CACNA1I: variants seen among roughly 807,000 people sequenced by gnomAD.
CACNA1I encodes the protein voltage-dependent T-type calcium channel subunit alpha-1I.
In CACNA1I, 74 loss-of-function variants were observed where a neutral mutation model predicts 201.6. That is an observed-to-expected ratio of 0.37 (90% CI 0.30 to 0.45). CACNA1I has a LOEUF of 0.45. Ranked by LOEUF, CACNA1I falls within the 20% of genes least tolerant of loss-of-function variation. The pLI is 1.00. For synonymous variants in CACNA1I, 1,431 were observed against 1,345.2 expected (o/e 1.06, Z -1.40); for missense variants, 2,346 against 3,138.1 (o/e 0.75, Z 6.03).
At chr22:39,599,953 G>T (rs1255414527) in intron 2 of CACNA1I, among the ~76,000 whole-genome samples, 2 of 152,220 alleles carry the variant, frequency 1.3e-5, no homozygotes, top group Non-Finnish European at 2.9e-5. Context: ...GCAGAGAAAG[G>T]CAACACTGAG....
chr22:39,654,747 A>G (rs1264856797), intron 10 of CACNA1I, among the ~76,000 whole-genome samples: 1 of 152,098 alleles, frequency 6.6e-6, no homozygotes, highest in Admixed American at 6.5e-5. Flanking sequence ...AAGGATGACT[A>G]GGAGTTCATC....
rs1230019296 is a variant in CACNA1I, at chr22:39,666,477, C to T, written c.4104+471C>T. On this transcript the variant is annotated intron_variant, in intron 23 of 36. Coordinates refer to ENST00000402142, the MANE Select transcript of CACNA1I (RefSeq NM_021096.4). This position sits in a 1 kb window ranked among gnomAD's most constrained non-coding sequence, Gnocchi z 4.1. Reference sequence around the variant, plus strand: ...CGGGGTGGTACTCTCTCCCCTCACCCACCGCTGCTCTCTGCTCTGTCGGCA... The same window carrying T: ...CGGGGTGGTACTCTCTCCCCTCACCTACCGCTGCTCTCTGCTCTGTCGGCA... Among the ~76,000 whole-genome samples the T allele has an allele frequency of 6.6e-6, 1 of 152,202 alleles. No individual in the cohort carries two copies. The highest frequency in any genetic ancestry group is 1.5e-5 in the Non-Finnish European group (1 of 68,036).
intron 10 of CACNA1I, among the ~76,000 whole-genome samples, chr22:39,654,938 A>C (rs1989593497): frequency 6.6e-6 from 1 of 152,124 alleles, no homozygotes; most frequent in African/African-American, 2.4e-5. Context: ...AAAGGCTTGC[A>C]AGCAAATGAC....
chr22:39,671,005 C>T lies in CACNA1I; in HGVS notation c.4539+51C>T, dbSNP rs1446261075. 8.9e-6 allele frequency: 14 copies of T among 1,573,398 alleles called. No homozygotes were observed. In the East Asian group the frequency reaches 2.9e-4, roughly 33 times the overall value. ...CAAGGTTACAAGGTGAGGGTGGGGT[C>T]TCAGCAGGACCCCACCCCAGGGATA... On this transcript the variant is annotated intron_variant, in intron 26 of 36. Coordinates refer to ENST00000402142, the MANE Select transcript of CACNA1I (RefSeq NM_021096.4).
At position 39,598,949 on chromosome 22, in the gene CACNA1I, T is replaced by TTG. The variant is rs1228815203; in HGVS notation, c.348+688_348+689insGT. Among the ~76,000 whole-genome samples the TTG allele has an allele frequency of 4.7e-5, 6 of 128,246 alleles. No homozygotes were observed. The East Asian group carries it at 9.2e-4, about 20-fold the overall frequency. 84.1% of individuals were successfully genotyped at this position (128,246 alleles called of 152,430 possible). On this transcript the variant is annotated intron_variant, in intron 2 of 36. Transcript: ENST00000402142. ...TGCTTTCTGCCTCTTGGGTTTTTTT[T>TTG]TTTTTTTTTTTTTTTTGAGACAGAG...
At chr22:39,580,078 A>G (rs1932500121) in intron 1 of CACNA1I, among the ~76,000 whole-genome samples, 1 of 152,026 alleles carries the variant, frequency 6.6e-6, no homozygotes, top group African/African-American at 2.4e-5. Flanking sequence ...TCTAGGCTCC[A>G]CCTCCAGCAT....
intron 3 of CACNA1I, among the ~76,000 whole-genome samples, chr22:39,608,894 C>A (rs1007191317): frequency 6.6e-6 from 1 of 152,122 alleles, no homozygotes; most frequent in South Asian, 2.1e-4. Flanking sequence ...GGAACAGCTT[C>A]TCCACCCTGA....
intron 5 of CACNA1I, among the ~76,000 whole-genome samples, chr22:39,640,078 G>A (rs1934314982): frequency 6.6e-6 from 1 of 152,128 alleles, no homozygotes; most frequent in African/African-American, 2.4e-5. Flanking sequence ...CTGTTTTATA[G>A]ATGAGGAAAT....
chr22:39,585,540 C>G (rs1467606453), intron 1 of CACNA1I, among the ~76,000 whole-genome samples: 3 of 150,426 alleles, frequency 2.0e-5, no homozygotes, highest in Admixed American at 6.7e-5. Flanking sequence ...CAGGTCTGAG[C>G]CACCACGCCC....
chr22:39,677,220 T>A lies in CACNA1I; in HGVS notation c.4855-121T>A. ...GACGTGGACACACAGCCTGGGGGAA[T>A]GTTACAGCTGCTCTGACCCACAGGC... is the stretch of plus-strand genomic sequence containing the variant. On this transcript the variant is annotated intron_variant, in intron 29 of 36. Transcript: ENST00000402142. This position sits in a 1 kb window ranked among gnomAD's most constrained non-coding sequence, Gnocchi z 4.8. 1.5e-6 allele frequency: 1 copy of A among 650,694 alleles called. No homozygotes were observed. The allele number at this position is 650,694 out of a possible 1,614,324, so 40.3% of individuals were successfully genotyped here.
At chr22:39,579,686 A>G (rs8139773) in intron 1 of CACNA1I, among the ~76,000 whole-genome samples, 57,838 of 149,688 alleles carry the variant, frequency 0.39, 12,221 homozygotes, top group East Asian at 0.82. Flanking sequence ...CGCTCTTGTC[A>G]CCCAGGCTGG....
At chr22:39,594,262 C>T (rs991260140) in intron 1 of CACNA1I, among the ~76,000 whole-genome samples, 1 of 151,930 alleles carries the variant, frequency 6.6e-6, no homozygotes, top group African/African-American at 2.4e-5. Flanking sequence ...GCAGGGGCAC[C>T]GGGCTCCTGG....
intron 6 of CACNA1I, among the ~76,000 whole-genome samples, chr22:39,641,562 G>A (rs149118241): frequency 1.1e-3 from 173 of 152,320 alleles, no homozygotes; most frequent in African/African-American, 4.0e-3. Flanking sequence ...ACCAAGGCCA[G>A]GATCATGGGG....
chr22:39,624,332 C>T (rs2146399686), intron 4 of CACNA1I, among the ~76,000 whole-genome samples: 1 of 152,308 alleles, frequency 6.6e-6, no homozygotes, highest in African/African-American at 2.4e-5. Flanking sequence ...CAGCACCAGC[C>T]TGCCCTGGCC....
intron 1 of CACNA1I, among the ~76,000 whole-genome samples, chr22:39,594,688 T>G (rs566884599): frequency 1.2e-4 from 19 of 152,152 alleles, no homozygotes; most frequent in African/African-American, 4.3e-4. Flanking sequence ...GGTGGGGTCC[T>G]GCTGAGGGTT....
Position 39,659,239 on chromosome 22 carries a change from C to A in CACNA1I, c.2330+123C>A. 8.2e-7 allele frequency: 1 copy of A among 1,216,608 alleles called. No individual in the cohort carries two copies. The highest frequency in any genetic ancestry group is 1.2e-6 in the Non-Finnish European group (1 of 863,372). The allele number at this position is 1,216,608 out of a possible 1,614,324, so 75.4% of individuals were successfully genotyped here. A position where few individuals can be genotyped will look rare whatever the true frequency, so the allele number is the denominator to read the frequency against. Reference sequence around the variant, plus strand: ...ACCTGGACCTGGGTGTGAAGCCTGACACTGTTCCTCAGTCCCCTGTGGCTT... The same window carrying A: ...ACCTGGACCTGGGTGTGAAGCCTGAAACTGTTCCTCAGTCCCCTGTGGCTT... On this transcript the variant is annotated intron_variant, in intron 12 of 36. Transcript: ENST00000402142. The surrounding 1 kb of genome is among the most constrained non-coding windows in gnomAD (Gnocchi z 4.3).
intron 5 of CACNA1I, among the ~76,000 whole-genome samples, chr22:39,636,189 C>T (rs1484613231): frequency 6.6e-6 from 1 of 152,200 alleles, no homozygotes; most frequent in Non-Finnish European, 1.5e-5. Flanking sequence ...GGAGACTCTG[C>T]GTCCCGTTCC....
At chr22:39,673,587 G>A (rs1443716472) in intron 28 of CACNA1I, among the ~76,000 whole-genome samples, 2 of 152,218 alleles carry the variant, frequency 1.3e-5, no homozygotes, top group African/African-American at 4.8e-5. Context: ...CAGAAACTCA[G>A]CGAGTGATGC....
At chr22:39,589,316 G>A (rs1294694122) in intron 1 of CACNA1I, among the ~76,000 whole-genome samples, 1 of 152,178 alleles carries the variant, frequency 6.6e-6, no homozygotes, top group Non-Finnish European at 1.5e-5. Flanking sequence ...TCCTGGGTAT[G>A]CACCCAGGAG....
Sources: gnomAD v4.1 joint callset for allele counts (sites outside exome capture counted in the v4.1 genomes callset) on GRCh38, gnomAD v4.1.1 for gene constraint, Gnocchi (gnomAD v3.1) non-coding constraint, MANE v1.5 for transcripts, NCBI Gene and HGNC (gene_info 2026-07-23, HGNC 2026-07-21) for gene names.